Variants in PALB2 observed in about 807,000 individuals in gnomAD.
PALB2 encodes partner and localizer of BRCA2.
A neutral mutation model predicts 107.4 loss-of-function variants in PALB2; 82 were observed. That is an observed-to-expected ratio of 0.76 (90% CI 0.64 to 0.92). The LOEUF is 0.92. Ranked by LOEUF, PALB2 falls within the 40% of genes least tolerant of loss-of-function variation. The probability of loss-of-function intolerance (pLI) is 0.00; values close to 1 mark genes in which losing one functional copy is unlikely to be tolerated. For missense variants in PALB2, 1,374 were observed against 1,379.9 expected (o/e 1.00, Z 0.07); for synonymous variants, 489 against 496.8 (o/e 0.98, Z 0.21).
At position 23,630,005 on chromosome 16, in the gene PALB2, CATT is replaced by C. The variant is rs1567217973; in HGVS notation, c.2146_2148del (p.Asn716del). 6.2e-7 allele frequency: 1 copy of C among 1,614,074 alleles called. No homozygotes were observed. On this transcript the variant is annotated inframe_deletion, in exon 5 of 13. Coordinates refer to ENST00000261584, the MANE Select transcript of PALB2 (RefSeq NM_024675.4). ...GAACACATGTCTGTGGTAGGCCTGT[CATT>C]ATCATCAGGCGCAACCGTATTTAAA...
intron 11 of PALB2, 104 bp from the exon 12 acceptor site, chr16:23,608,116 G>C: frequency 2.4e-6 from 3 of 1,228,290 alleles, no homozygotes; most frequent in Non-Finnish European, 3.5e-6. Context: ...AGCAATGACC[G>C]ATAGGCTCTG....
At chr16:23,620,511 C>A (rs1319026913) in intron 10 of PALB2, among the ~76,000 whole-genome samples, 1 of 152,110 alleles carries the variant, frequency 6.6e-6, no homozygotes, top group Non-Finnish European at 1.5e-5. Context: ...AAGGGAGAAA[C>A]CCCTCCAGTA....
chr16:23,625,930 G>C lies in PALB2; in HGVS notation c.2748+306C>G, dbSNP rs703776. 0.094 allele frequency among the ~76,000 whole-genome samples: 14,278 copies of C among 151,954 alleles called. 862 individuals are homozygous for C. The highest frequency in any genetic ancestry group is 0.17 in the East Asian group (887 of 5,158). ...GGGGAGGTTGAAACTGCAGTGAGCC[G>C]TGATCATGCCACTGCACTCCAGCCT... On this transcript the variant is annotated intron_variant, in intron 7 of 12. Coordinates refer to ENST00000261584, the MANE Select transcript of PALB2 (RefSeq NM_024675.4).
chr16:23,608,683 T>TAA (rs1166258788), intron 11 of PALB2, among the ~76,000 whole-genome samples: 3 of 151,790 alleles, frequency 2.0e-5, no homozygotes, highest in Non-Finnish European at 2.9e-5. Flanking sequence ...TGAATAAGGG[T>TAA]GACCAAAAAA....
chr16:23,612,674 A>G (rs1966608710), intron 11 of PALB2, among the ~76,000 whole-genome samples: 1 of 151,924 alleles, frequency 6.6e-6, no homozygotes, highest in Non-Finnish European at 1.5e-5. Context: ...CTACAGCTGC[A>G]TGCCACCATG....
At chr16:23,629,320 A>G in intron 5 of PALB2, 45 bp from the exon 6 acceptor site, 1 of 1,512,214 alleles carries the variant, frequency 6.6e-7, no homozygotes, top group African/African-American at 1.4e-5. Flanking sequence ...TTTATGTATA[A>G]TGTCTGCCTG....
chr16:23,637,810 T>C (rs1967097216), intron 3 of PALB2, 40 bp downstream of exon 3: 1 of 1,482,044 alleles, frequency 6.7e-7, no homozygotes, highest in Admixed American at 1.7e-5. Context: ...ACCTGGGAAA[T>C]GAATAATAAA....
intron 10 of PALB2, among the ~76,000 whole-genome samples, chr16:23,616,873 C>T (rs1045404582): frequency 7.9e-5 from 12 of 151,110 alleles, no homozygotes; most frequent in African/African-American, 2.7e-4. Context: ...AGTGCAGTGG[C>T]GTGATCTCCG....
intron 8 of PALB2, among the ~76,000 whole-genome samples, 176 bp from the exon 9 acceptor site, chr16:23,623,306 G>A (rs1210740416): frequency 2.0e-5 from 3 of 149,722 alleles, no homozygotes; most frequent in East Asian, 2.0e-4. Flanking sequence ...AGGTTCAAGC[G>A]ACTGTCCTGC....
Position 23,629,882 on chromosome 16 carries a change from G to T in PALB2, c.2272C>A (p.Pro758Thr), listed in dbSNP as rs1064794078. 6.2e-7 allele frequency: 1 copy of T among 1,614,190 alleles called. No homozygotes were observed. The highest frequency in any genetic ancestry group is 8.5e-7 in the Non-Finnish European group (1 of 1,180,048). The change falls in exon 5 of 13, where the codon CCC (proline) becomes ACC (threonine). Residue 758 changes from proline to threonine, a missense_variant. Pro to Thr is a conservative substitution (Grantham distance 38). Coordinates refer to ENST00000261584, the MANE Select transcript of PALB2 (RefSeq NM_024675.4). ...GAGTCTTTCAAATGAGCAAGTTGGGGTGTGCAGCAAGTTCGTCCAGCAACT... is the reference window on the plus strand; with the variant it reads ...GAGTCTTTCAAATGAGCAAGTTGGGTTGTGCAGCAAGTTCGTCCAGCAACT... ...TEVAGRTCCT[P>T]QLAHLKDSVC...
chr16:23,636,057 GAC>G lies in PALB2; in HGVS notation c.487_488del (p.Val163LeufsTer4), dbSNP rs745533713. The G allele has an allele frequency of 3.1e-6, 5 of 1,613,918 alleles. No homozygotes were observed. Among genetic ancestry groups the G allele is most frequent in the Middle Eastern group, 1.6e-4 (1 of 6,084 alleles). On this transcript the variant is annotated frameshift_variant, in exon 4 of 13. Coordinates refer to ENST00000261584, the MANE Select transcript of PALB2 (RefSeq NM_024675.4). LOFTEE classifies it high-confidence loss of function. The part of the protein sequence containing the change: ...RTFISQERDC[V>X]FGTDSLRLSG... The stretch of plus-strand genomic sequence containing the variant: ...ACAATCTGAGTGAATCAGTGCCAAA[GAC>G]ACAGTCTCTCTCCTGTGAAATAAAT...
intron 1 of PALB2, 141 bp downstream of exon 1, chr16:23,640,969 T>A: frequency 1.1e-6 from 1 of 925,978 alleles, no homozygotes; most frequent in Non-Finnish European, 1.6e-6. Context: ...ATTTTCATTT[T>A]CTGTGCCCCC....
At chr16:23,618,453 C>A (rs140108941) in intron 10 of PALB2, among the ~76,000 whole-genome samples, 22 of 152,136 alleles carry the variant, frequency 1.4e-4, no homozygotes, top group Non-Finnish European at 2.6e-4. Context: ...CTGGAGAGGA[C>A]ATTTTTGTAC....
At chr16:23,619,514 A>C (rs922055129) in intron 10 of PALB2, among the ~76,000 whole-genome samples, 3 of 151,374 alleles carry the variant, frequency 2.0e-5, no homozygotes, top group Non-Finnish European at 2.9e-5. Flanking sequence ...AGTAGAGACG[A>C]GGTATCTTTA....
intron 12 of PALB2, 122 bp downstream of exon 12, chr16:23,607,742 T>C: frequency 8.5e-7 from 1 of 1,172,300 alleles, no homozygotes. Context: ...AATATTCCTA[T>C]CATGATATAT....
intron 7 of PALB2, among the ~76,000 whole-genome samples, chr16:23,624,555 C>T (rs2142346438): frequency 6.6e-6 from 1 of 152,268 alleles, no homozygotes; most frequent in Non-Finnish European, 1.5e-5. Flanking sequence ...CTCTTGTTGC[C>T]CAGCCTTGAG....
In PALB2 at chr16:23,614,089, T is replaced by C; in HGVS notation, c.3116A>G (p.Asn1039Ser). 1 of 1,601,612 alleles carries C rather than the reference T, an allele frequency of 6.2e-7. No individual in the cohort carries two copies. Among genetic ancestry groups the C allele is most frequent in the Non-Finnish European group, 8.6e-7 (1 of 1,168,960 alleles). The change falls in exon 11 of 13, where the codon AAT becomes AGT. Residue 1039 changes from asparagine to serine, a missense_variant and splice_region_variant. Transcript: ENST00000261584. ...TTIMNNIVIW[N>S]LKTGQLLKKM... ...TTTCAGGAGTTGACCAGTTTTTAAATTCCTTAGATAACAAAAATAAATAAG... is the reference window on the plus strand; with the variant it reads ...TTTCAGGAGTTGACCAGTTTTTAAACTCCTTAGATAACAAAAATAAATAAG...
At chr16:23,639,678 G>A (rs953938844) in intron 1 of PALB2, among the ~76,000 whole-genome samples, 25 of 151,448 alleles carry the variant, frequency 1.7e-4, no homozygotes, top group African/African-American at 4.1e-4. Flanking sequence ...AAATTAGCCC[G>A]GCGTGGTGTT....
chr16:23,631,944 T>G (rs1012854548), intron 4 of PALB2, among the ~76,000 whole-genome samples: 45 of 152,144 alleles, frequency 3.0e-4, no homozygotes, highest in African/African-American at 1.0e-3. Flanking sequence ...CCTCCCAGGC[T>G]CAAGCAATCC....
Sources: gnomAD v4.1 joint callset for allele counts (sites outside exome capture counted in the v4.1 genomes callset) on GRCh38, gnomAD v4.1.1 for gene constraint, MANE v1.5 for transcripts, NCBI Gene and HGNC (gene_info 2026-07-23, HGNC 2026-07-21) for gene names.